The following TG variants were observed in gnomAD, a reference collection of about 807,000 sequenced individuals.
TG encodes the protein thyroid hormones.
A neutral mutation model predicts 324.7 loss-of-function variants in TG; 270 were observed. The observed-to-expected ratio is 0.83, with a 90% CI of 0.75 to 0.92. The LOEUF is 0.92. Ranked by LOEUF, TG falls within the 40% of genes least tolerant of loss-of-function variation. The pLI is 0.00. For synonymous variants in TG, 1,401 were observed against 1,327.0 expected (o/e 1.06, Z -1.21); for missense variants, 3,591 against 3,456.4 (o/e 1.04, Z -0.98).
At chr8:132,876,174 G>A (rs995888340) in intron 5 of TG, among the ~76,000 whole-genome samples, 3 of 152,128 alleles carry the variant, frequency 2.0e-5, no homozygotes, top group African/African-American at 7.2e-5. Flanking sequence ...TCCGAGTTTG[G>A]AGGCTACTGC....
At chr8:132,953,675 G>C (rs1335958108) in intron 27 of TG, among the ~76,000 whole-genome samples, 1 of 152,150 alleles carries the variant, frequency 6.6e-6, no homozygotes, top group African/African-American at 2.4e-5. Flanking sequence ...AGCACCTTTT[G>C]CTGTGAGGTT....
In TG at chr8:132,923,360, C is replaced by T. The variant is rs201764119; in HGVS notation, c.4551C>T (p.Asn1517=). Residue 1517 remains asparagine (N), a synonymous_variant, in exon 22 of 48, where the codon AAC becomes AAT. Transcript: ENST00000220616. ...QTHCVTDCQR[N]EAGLQCDQNG... is the part of the protein sequence containing the mutation. ...TAGGTGTCACTGACTGTCAGAGGAA[C>T]GAAGCAGGCCTGCAATGTGACCAGA... The T allele has an allele frequency of 8.4e-5, 135 of 1,614,022 alleles. No individual in the cohort carries two copies. Among genetic ancestry groups the T allele is most frequent in the Admixed American group, 5.0e-4 (30 of 60,016 alleles).
chr8:133,066,019 A>G (rs551895840), intron 41 of TG, among the ~76,000 whole-genome samples: 1 of 152,154 alleles, frequency 6.6e-6, no homozygotes, highest in African/African-American at 2.4e-5. Context: ...TCAAAAGGGC[A>G]GGAGTGAATC....
intron 41 of TG, among the ~76,000 whole-genome samples, chr8:133,051,919 A>G (rs1840477719): frequency 6.6e-6 from 1 of 152,198 alleles, no homozygotes; most frequent in African/African-American, 2.4e-5. Flanking sequence ...GCAACTACTT[A>G]CTGAGCACCT....
At chr8:133,019,109 G>A (rs1835326766) in intron 38 of TG, among the ~76,000 whole-genome samples, 1 of 152,210 alleles carries the variant, frequency 6.6e-6, no homozygotes, top group Non-Finnish European at 1.5e-5. Flanking sequence ...ATTAGGTGAT[G>A]AGCCAAGTCA....
intron 30 of TG, 144 bp from the exon 31 acceptor site, chr8:132,967,650 C>T (rs1176324365): frequency 1.1e-6 from 1 of 917,788 alleles, no homozygotes; most frequent in Admixed American, 2.1e-5. Flanking sequence ...GCCTTCCAGA[C>T]TGGATGATCA....
intron 41 of TG, among the ~76,000 whole-genome samples, chr8:133,051,293 A>G (rs1439269457): frequency 6.6e-6 from 1 of 152,162 alleles, no homozygotes; most frequent in African/African-American, 2.4e-5. Context: ...GGTCCTTAGG[A>G]GAGGAGATGA....
At chr8:132,982,503 CA>C (rs1371256334) in intron 34 of TG, among the ~76,000 whole-genome samples, 5 of 152,166 alleles carry the variant, frequency 3.3e-5, no homozygotes, top group Non-Finnish European at 7.3e-5. Flanking sequence ...TTCGTTTTAT[CA>C]ATGCTGAAAC....
Position 132,967,745 on chromosome 8 carries a change from C to T in TG, c.5687-49C>T, listed in dbSNP as rs769817043. ...AGAGAATCCTGTAGAGATTATTCTCCCCTGTAGACCCCACAAAAACTAAAA... is the reference window on the plus strand; with the variant it reads ...AGAGAATCCTGTAGAGATTATTCTCTCCTGTAGACCCCACAAAAACTAAAA... On this transcript the variant is annotated intron_variant, in intron 30 of 47. Coordinates refer to ENST00000220616, the MANE Select transcript of TG (RefSeq NM_003235.5). The T allele has an allele frequency of 1.6e-5, 26 of 1,602,366 alleles. No individual in the cohort carries two copies. In the Admixed American group the frequency reaches 3.2e-4, roughly 20 times the overall value.
chr8:132,948,820 T>C lies in TG; in HGVS notation c.5278T>C (p.Cys1760Arg), dbSNP rs1002157911. ...GLLSSPSVLL[C>R]NVKDWMDPSE... ...GCTGAGCTCACCCAGTGTCCTGCTTTGTAATGTCAAAGACTGGATGGATCC... is the reference window on the plus strand; with the variant it reads ...GCTGAGCTCACCCAGTGTCCTGCTTCGTAATGTCAAAGACTGGATGGATCC... The change falls in exon 27 of 48, where the codon TGT becomes CGT. Residue 1760 changes from cysteine to arginine, a missense_variant. Coordinates refer to ENST00000220616, the MANE Select transcript of TG (RefSeq NM_003235.5). 6.2e-7 allele frequency: 1 copy of C among 1,614,068 alleles called. No homozygotes were observed. The highest frequency in any genetic ancestry group is 8.5e-7 in the Non-Finnish European group (1 of 1,180,034).
chr8:132,949,376 C>A (rs1342990486), intron 27 of TG, among the ~76,000 whole-genome samples: 1 of 152,210 alleles, frequency 6.6e-6, no homozygotes, highest in Non-Finnish European at 1.5e-5. Flanking sequence ...TCAGATCTGT[C>A]ACGTTACCAT....
intron 41 of TG, chr8:133,075,142 G>C (rs979615722): frequency 3.0e-6 from 3 of 985,002 alleles, no homozygotes; most frequent in Non-Finnish European, 3.6e-6. Flanking sequence ...TGGGAAGATA[G>C]ATGGGTTATT....
intron 3 of TG, among the ~76,000 whole-genome samples, chr8:132,871,002 G>A (rs1311818358): frequency 1.3e-5 from 2 of 152,168 alleles, no homozygotes; most frequent in African/African-American, 4.8e-5. Flanking sequence ...CAAGCAGAGT[G>A]GTGAAGCAGC....
intron 23 of TG, among the ~76,000 whole-genome samples, chr8:132,931,718 G>T (rs572249543): frequency 1.9e-4 from 29 of 152,202 alleles, no homozygotes; most frequent in Non-Finnish European, 3.5e-4. Context: ...CCGAAGCAGG[G>T]ATCTGCTTGC....
At chr8:132,893,960 G>A (rs1225120071) in intron 11 of TG, 31 bp downstream of exon 11, 1 of 1,613,950 alleles carries the variant, frequency 6.2e-7, no homozygotes, top group Non-Finnish European at 8.5e-7. Context: ...CTTTCTTACT[G>A]CATCGCTTTG....
chr8:132,962,856 G>C, intron 28 of TG, 138 bp from the exon 29 acceptor site: 1 of 784,882 alleles, frequency 1.3e-6, no homozygotes, highest in Non-Finnish European at 2.3e-6. Context: ...ATCCATGTCA[G>C]GGCATCTGTT....
At chr8:133,099,457 G>A (rs1351146693) in intron 43 of TG, among the ~76,000 whole-genome samples, 1 of 152,192 alleles carries the variant, frequency 6.6e-6, no homozygotes, top group African/African-American at 2.4e-5. Flanking sequence ...CAGTGCCACT[G>A]CATGCAATCA....
chr8:132,876,011 AT>A (rs988730503), intron 5 of TG, among the ~76,000 whole-genome samples: 55 of 151,008 alleles, frequency 3.6e-4, no homozygotes, highest in African/African-American at 9.5e-4. Context: ...GCAAAGAGTA[AT>A]TTTTTTTTTC....
chr8:133,068,573 G>A (rs1052148162), intron 41 of TG, among the ~76,000 whole-genome samples: 1 of 152,114 alleles, frequency 6.6e-6, no homozygotes, highest in African/African-American at 2.4e-5. Flanking sequence ...TGCCTTCCTG[G>A]GTGTTCTCAT....
Sources: gnomAD v4.1 joint callset for allele counts (sites outside exome capture counted in the v4.1 genomes callset) on GRCh38, gnomAD v4.1.1 for gene constraint, MANE v1.5 for transcripts, NCBI Gene and HGNC (gene_info 2026-07-23, HGNC 2026-07-21) for gene names.